Variants in NME7 observed in about 807,000 individuals in gnomAD.
NME7 encodes nucleoside diphosphate kinase 7.
NME7 carries 41 observed loss-of-function variants against 49.1 expected under a neutral mutation model. The ratio of observed to expected loss-of-function variants is 0.83; its 90% confidence interval spans 0.65 to 1.08. The LOEUF is 1.08. Ranked by LOEUF, NME7 falls within the 50% of genes least tolerant of loss-of-function variation. The pLI, the probability that NME7 is intolerant of heterozygous loss-of-function variation, is 0.00. For missense variants in NME7, 423 were observed against 463.4 expected (o/e 0.91, Z 0.80); for synonymous variants, 139 against 150.6 (o/e 0.92, Z 0.56).
intron 6 of NME7, among the ~76,000 whole-genome samples, chr1:169,291,210 C>T (rs1443223971): frequency 6.6e-6 from 1 of 152,114 alleles, no homozygotes; most frequent in African/African-American, 2.4e-5. Context: ...CACATGCACA[C>T]GTATGTTTAT....
In NME7 at chr1:169,149,545, C is replaced by T. The variant is rs547478836; in HGVS notation, c.1099-16728G>A. 3.9e-5 allele frequency among the ~76,000 whole-genome samples: 6 copies of T among 152,204 alleles called. No homozygotes were observed. In the South Asian group the frequency reaches 1.0e-3, roughly 26 times the overall value. On this transcript the variant is annotated intron_variant, in intron 11 of 11. Transcript: ENST00000367811. ...TACATATACTATGTTTTTTCTTATACAAACATACCTATGATAAAGTTGAAT... is the reference window on the plus strand; with the variant it reads ...TACATATACTATGTTTTTTCTTATATAAACATACCTATGATAAAGTTGAAT...
intron 9 of NME7, among the ~76,000 whole-genome samples, chr1:169,234,364 T>C (rs1388968810): frequency 6.6e-6 from 1 of 152,130 alleles, no homozygotes; most frequent in Non-Finnish European, 1.5e-5. Context: ...ATATAATAAG[T>C]GTGGATCATA....
chr1:169,184,244 T>C (rs969076617), intron 10 of NME7, among the ~76,000 whole-genome samples: 1 of 152,174 alleles, frequency 6.6e-6, no homozygotes, highest in Non-Finnish European at 1.5e-5. Flanking sequence ...ATTATAAAAA[T>C]GCAATTTTCT....
In NME7 at chr1:169,199,519, A is replaced by G. The variant is rs115912624; in HGVS notation, c.991-29965T>C. Among the ~76,000 whole-genome samples, 299 of 149,928 alleles carry G rather than the reference A, an allele frequency of 2.0e-3. 4 individuals are homozygous for G. The highest frequency in any genetic ancestry group is 7.1e-3 in the African/African-American group (290 of 40,976). On this transcript the variant is annotated intron_variant, in intron 10 of 11. Coordinates refer to ENST00000367811, the MANE Select transcript of NME7 (RefSeq NM_013330.5). The stretch of plus-strand genomic sequence containing the variant: ...TTTTAAATTGAGATGGAGCCTCACT[A>G]TGTTGCCCAAGCTGGTCTCAAACTC...
chr1:169,140,067 G>A (rs1322486587), intron 11 of NME7, among the ~76,000 whole-genome samples: 4 of 152,168 alleles, frequency 2.6e-5, no homozygotes, highest in African/African-American at 4.8e-5. Context: ...AATATACACT[G>A]AAGTATTGAG....
intron 1 of NME7, among the ~76,000 whole-genome samples, chr1:169,363,726 G>A (rs1653746317): frequency 6.6e-6 from 1 of 152,092 alleles, no homozygotes; most frequent in South Asian, 2.1e-4. Flanking sequence ...CTTGTTGTTA[G>A]CGTGGCCTGG....
In NME7 at chr1:169,259,636, G is replaced by C. The variant is rs368695500; in HGVS notation, c.755-21949C>G. The stretch of plus-strand genomic sequence containing the variant: ...ACCTCTGTATCAAATAATTTGAGGT[G>C]CATGTTTTGAATCACATTAACAGAT... On this transcript the variant is annotated intron_variant, in intron 7 of 11. Coordinates refer to ENST00000367811, the MANE Select transcript of NME7 (RefSeq NM_013330.5). 2.2e-4 allele frequency among the ~76,000 whole-genome samples: 29 copies of C among 133,854 alleles called. 3 individuals are homozygous for C. The highest frequency in any genetic ancestry group is 6.8e-4 in the African/African-American group (27 of 39,622). 87.8% of individuals were successfully genotyped at this position (133,854 alleles called of 152,430 possible). A position where few individuals can be genotyped will look rare whatever the true frequency, so the allele number is the denominator to read the frequency against.
chr1:169,324,533 A>C, intron 1 of NME7, 33 bp from the exon 2 acceptor site: 1 of 1,313,486 alleles, frequency 7.6e-7, no homozygotes, highest in South Asian at 1.2e-5. Flanking sequence ...TTTAACACTA[A>C]CATATAAAGA....
intron 1 of NME7, among the ~76,000 whole-genome samples, chr1:169,367,007 G>A (rs1164713207): frequency 6.6e-6 from 1 of 152,128 alleles, no homozygotes; most frequent in Non-Finnish European, 1.5e-5. Context: ...AAACATAGGG[G>A]TGAATTAAAA....
intron 7 of NME7, among the ~76,000 whole-genome samples, chr1:169,281,462 T>C (rs746711421): frequency 2.0e-5 from 3 of 152,232 alleles, no homozygotes; most frequent in Non-Finnish European, 4.4e-5. Flanking sequence ...CTTGCCTTAT[T>C]GCCCTGGCCA....
intron 7 of NME7, among the ~76,000 whole-genome samples, chr1:169,238,515 A>ACC (rs1553249040): frequency 6.7e-6 from 1 of 148,426 alleles, no homozygotes; most frequent in Admixed American, 6.7e-5. Context: ...ACACACACAC[A>ACC]CCATATTCTG....
intron 7 of NME7, among the ~76,000 whole-genome samples, chr1:169,242,401 G>GA (rs768285377): frequency 1.3e-5 from 2 of 151,662 alleles, no homozygotes; most frequent in African/African-American, 4.8e-5. Flanking sequence ...AAAACTGTAA[G>GA]AAAAAAATAG....
At position 169,342,518 on chromosome 1, in the gene NME7, G is replaced by C. The variant is rs548882683; in HGVS notation, c.4-18018C>G. On this transcript the variant is annotated intron_variant, in intron 1 of 11. Transcript: ENST00000367811. ...ATATATACAAGTACATATATATATA[G>C]TATATATATACAAGTACATATATAT... Among the ~76,000 whole-genome samples, 404 of 95,438 alleles carry C rather than the reference G, an allele frequency of 4.2e-3. 10 individuals carry two copies. Among genetic ancestry groups the C allele is most frequent in the African/African-American group, 0.014 (380 of 27,528 alleles). The allele number at this position is 95,438 out of a possible 152,430, so 62.6% of individuals were successfully genotyped here. A position where few individuals can be genotyped will look rare whatever the true frequency, so the allele number is the denominator to read the frequency against.
intron 7 of NME7, among the ~76,000 whole-genome samples, chr1:169,268,232 A>G (rs1472704011): frequency 7.5e-6 from 1 of 134,198 alleles, no homozygotes; most frequent in Admixed American, 7.3e-5. Context: ...TCAAAACCAC[A>G]GTGAGATACC....
chr1:169,150,305 G>A (rs548941195), intron 11 of NME7, among the ~76,000 whole-genome samples: 3 of 152,208 alleles, frequency 2.0e-5, no homozygotes, highest in African/African-American at 7.2e-5. Context: ...AAGAGTCTAA[G>A]GGCAAGCTAG....
At chr1:169,135,333 C>G (rs1349097309) in intron 11 of NME7, among the ~76,000 whole-genome samples, 1 of 152,182 alleles carries the variant, frequency 6.6e-6, no homozygotes, top group Non-Finnish European at 1.5e-5. Flanking sequence ...AACAAAAGTT[C>G]CGTTATGAGA....
intron 7 of NME7, among the ~76,000 whole-genome samples, chr1:169,283,343 G>C (rs1650117174): frequency 6.6e-6 from 1 of 152,028 alleles, no homozygotes; most frequent in African/African-American, 2.4e-5. Context: ...ATGTGTCTTT[G>C]CAAGTGAGAT....
intron 6 of NME7, among the ~76,000 whole-genome samples, chr1:169,291,921 C>A (rs1650523727): frequency 1.3e-5 from 2 of 151,992 alleles, no homozygotes; most frequent in African/African-American, 4.8e-5. Context: ...CTAAAAAATT[C>A]ATGGGACTCC....
In NME7 at chr1:169,257,519, C is replaced by T. The variant is rs1015357202; in HGVS notation, c.755-19832G>A. Among the ~76,000 whole-genome samples, 3 of 132,802 alleles carry T rather than the reference C, an allele frequency of 2.3e-5. 1 individual carries two copies. In the South Asian group the frequency reaches 7.1e-4, roughly 31 times the overall value. The allele number at this position is 132,802 out of a possible 152,430, so 87.1% of individuals were successfully genotyped here. A position where few individuals can be genotyped will look rare whatever the true frequency, so the allele number is the denominator to read the frequency against. On this transcript the variant is annotated intron_variant, in intron 7 of 11. Coordinates refer to ENST00000367811, the MANE Select transcript of NME7 (RefSeq NM_013330.5). ...CTCAGATGTAAATGCAGAAATCACC[C>T]GTCTTCTGCGTCGCTCACGCTGGGA...
Sources: allele counts gnomAD v4.1 joint callset (sites outside exome capture counted in the v4.1 genomes callset), GRCh38; gene constraint gnomAD v4.1.1; transcripts MANE v1.5; gene names NCBI Gene and HGNC (gene_info 2026-07-23, HGNC 2026-07-21).